Variants in KPNA6 observed in about 807,000 individuals in gnomAD.
The protein encoded by KPNA6 is karyopherin subunit alpha 6.
In KPNA6, 9 loss-of-function variants were observed where a neutral mutation model predicts 72.0. The observed-to-expected ratio is 0.13, with a 90% CI of 0.08 to 0.22. The LOEUF (loss-of-function observed/expected upper bound fraction) is 0.22, where lower values mean the gene tolerates loss of function less well. Ranked by LOEUF, KPNA6 falls within the 10% of genes least tolerant of loss-of-function variation. KPNA6 has a pLI of 1.00. For missense variants in KPNA6, 374 were observed against 655.7 expected, an observed-to-expected ratio of 0.57 and a Z score of 4.69; for synonymous variants, 219 against 242.1, an observed-to-expected ratio of 0.90 and a Z score of 0.89.
chr1:32,111,507 TTTTG>T (rs1397733618), intron 1 of KPNA6, among the ~76,000 whole-genome samples: 1 of 152,196 alleles, frequency 6.6e-6, no homozygotes, highest in Non-Finnish European at 1.5e-5. Context: ...AATGTCAGCT[TTTTG>T]TTTGTTGTAG....
intron 9 of KPNA6, 27 bp from the exon 10 acceptor site, chr1:32,163,208 T>C: frequency 6.5e-7 from 1 of 1,544,720 alleles, no homozygotes; most frequent in Non-Finnish European, 8.9e-7. Flanking sequence ...TGTGCTGGCC[T>C]TCTGATCAGA....
chr1:32,169,777 A>C, intron 12 of KPNA6, 105 bp from the exon 13 acceptor site: 1 of 1,075,396 alleles, frequency 9.3e-7, no homozygotes, highest in Non-Finnish European at 1.3e-6. Flanking sequence ...TCTTAAAAAT[A>C]AAAAAATAAA....
intron 1 of KPNA6, among the ~76,000 whole-genome samples, chr1:32,117,883 C>T (rs1384838297): frequency 1.3e-5 from 2 of 151,982 alleles, no homozygotes; most frequent in African/African-American, 2.4e-5. Flanking sequence ...GCAATCTCTT[C>T]CCCACCCATC....
chr1:32,147,072 T>C (rs1021822337), intron 1 of KPNA6, among the ~76,000 whole-genome samples: 2 of 152,092 alleles, frequency 1.3e-5, no homozygotes, highest in African/African-American at 2.4e-5. Flanking sequence ...TTGCCTAGAC[T>C]GGTCTCGAAC....
chr1:32,151,171 A>T (rs1263701955), intron 1 of KPNA6, among the ~76,000 whole-genome samples: 2 of 151,938 alleles, frequency 1.3e-5, no homozygotes, highest in African/African-American at 4.8e-5. Context: ...TCTTTTTTTT[A>T]AAGGATGTAG....
chr1:32,137,712 A>C (rs1420136439), intron 1 of KPNA6, among the ~76,000 whole-genome samples: 2 of 152,168 alleles, frequency 1.3e-5, no homozygotes, highest in African/African-American at 4.8e-5. Context: ...GTGTAAACTA[A>C]AATTTATTGG....
At position 32,162,348 on chromosome 1, in the gene KPNA6, C is replaced by A. The variant is rs763343140; in HGVS notation, c.748-13C>A. 6.4e-6 allele frequency: 10 copies of A among 1,566,392 alleles called. No homozygotes were observed. Among genetic ancestry groups the A allele is most frequent in the Admixed American group, 1.9e-5 (1 of 52,220 alleles). The stretch of plus-strand genomic sequence containing the variant: ...TGTTCCCCTGTGAGTCTTTCTCACT[C>A]TGCTTCCCACAGGTCTCTCCTTGTT... On this transcript the variant is annotated splice_polypyrimidine_tract_variant and intron_variant, in intron 8 of 13. Transcript: ENST00000373625.
At chr1:32,115,221 G>A (rs1024426219) in intron 1 of KPNA6, among the ~76,000 whole-genome samples, 2 of 150,854 alleles carry the variant, frequency 1.3e-5, no homozygotes, top group African/African-American at 2.4e-5. Context: ...CTACAAGCTC[G>A]GCCTCCCGGG....
chr1:32,146,546 C>G (rs1479716346), intron 1 of KPNA6, among the ~76,000 whole-genome samples: 1 of 152,152 alleles, frequency 6.6e-6, no homozygotes, highest in Non-Finnish European at 1.5e-5. Flanking sequence ...TTATAACACT[C>G]TAGTTGGAAT....
intron 1 of KPNA6, among the ~76,000 whole-genome samples, chr1:32,108,436 C>T (rs1641183737): frequency 2.0e-5 from 3 of 152,254 alleles, no homozygotes; most frequent in Admixed American, 1.3e-4. Context: ...ACTCTCTGTC[C>T]TGCGCCCAGA....
At chr1:32,125,979 TAAAAAAAA>T (rs75504815) in intron 1 of KPNA6, among the ~76,000 whole-genome samples, 84 of 98,980 alleles carry the variant, frequency 8.5e-4, no homozygotes, top group African/African-American at 3.1e-3. Flanking sequence ...CTATATTTAC[TAAAAAAAA>T]AAAAAAAAAA....
intron 9 of KPNA6, 55 bp downstream of exon 9, chr1:32,162,579 A>C: frequency 1.3e-6 from 2 of 1,594,580 alleles, no homozygotes; most frequent in South Asian, 2.2e-5. Flanking sequence ...GCTTATGCTT[A>C]TAATCCCAGC....
intron 2 of KPNA6, 149 bp downstream of exon 2, chr1:32,154,870 G>A: frequency 1.4e-6 from 1 of 713,104 alleles, no homozygotes; most frequent in African/African-American, 1.8e-5. Context: ...CACTTTGGGA[G>A]GCCAAGGCAG....
chr1:32,122,803 A>G (rs1641457533), intron 1 of KPNA6, among the ~76,000 whole-genome samples: 1 of 151,824 alleles, frequency 6.6e-6, no homozygotes, highest in Non-Finnish European at 1.5e-5. Context: ...TAAAAATACA[A>G]AAAATTAGCT....
At chr1:32,159,588 A>C in intron 6 of KPNA6, 57 bp downstream of exon 6, 2 of 1,572,620 alleles carry the variant, frequency 1.3e-6, no homozygotes, top group Non-Finnish European at 1.7e-6. Context: ...TAAAAAATAT[A>C]TTTGGTCTTT....
Position 32,141,763 on chromosome 1 carries a change from C to T in KPNA6, c.5-12825C>T, listed in dbSNP as rs565759692. ...TGTGTCTCATGAAAGCAGTTTACTT[C>T]GATTGTCGCCTTTGCCGAGGTCTAA... On this transcript the variant is annotated intron_variant, in intron 1 of 13. Coordinates refer to ENST00000373625, the MANE Select transcript of KPNA6 (RefSeq NM_012316.5). 9.9e-5 allele frequency among the ~76,000 whole-genome samples: 15 copies of T among 152,102 alleles called. No individual in the cohort carries two copies. The East Asian group carries it at 2.9e-3, about 29-fold the overall frequency.
At chr1:32,164,105 T>C (rs1449675060) in intron 10 of KPNA6, among the ~76,000 whole-genome samples, 1 of 152,200 alleles carries the variant, frequency 6.6e-6, no homozygotes, top group Non-Finnish European at 1.5e-5. Flanking sequence ...CTATTTTCTG[T>C]ATCTGTGAGT....
chr1:32,149,522 A>G (rs1462690795), intron 1 of KPNA6, among the ~76,000 whole-genome samples: 1 of 152,170 alleles, frequency 6.6e-6, no homozygotes, highest in Non-Finnish European at 1.5e-5. Context: ...TACCACACGC[A>G]GCTAGGAATG....
intron 1 of KPNA6, among the ~76,000 whole-genome samples, chr1:32,144,471 G>T (rs1439939551): frequency 6.6e-6 from 1 of 152,156 alleles, no homozygotes; most frequent in African/African-American, 2.4e-5. Context: ...AAGTAGAATT[G>T]CTGGATTATA....
Sources: allele counts gnomAD v4.1 joint callset (sites outside exome capture counted in the v4.1 genomes callset), GRCh38; gene constraint gnomAD v4.1.1; transcripts MANE v1.5; gene names NCBI Gene and HGNC (gene_info 2026-07-23, HGNC 2026-07-21).